The following NETO2 variants were observed in gnomAD, a reference collection of about 807,000 sequenced individuals.
NETO2 encodes the protein neuropilin and tolloid like 2.
NETO2 carries 28 observed loss-of-function variants against 62.5 expected under a neutral mutation model. The ratio of observed to expected loss-of-function variants is 0.45; its 90% CI spans 0.33 to 0.61. The LOEUF (loss-of-function observed/expected upper bound fraction) is 0.61. NETO2 is among the 20% of genes least tolerant of loss of function. The pLI is 0.02. For missense variants in NETO2, 548 were observed against 643.2 expected (o/e 0.85, Z 1.60); for synonymous variants, 214 against 219.1 (o/e 0.98, Z 0.21).
chr16:47,117,259 A>G (rs1481419384), intron 6 of NETO2, among the ~76,000 whole-genome samples: 1 of 152,126 alleles, frequency 6.6e-6, no homozygotes, highest in African/African-American at 2.4e-5. Flanking sequence ...GCTCCCTTAT[A>G]CAAGATGCAT....
At chr16:47,099,075 G>A (rs1963490270) in intron 7 of NETO2, among the ~76,000 whole-genome samples, 1 of 152,104 alleles carries the variant, frequency 6.6e-6, no homozygotes, top group Non-Finnish European at 1.5e-5. Context: ...GGCCAGGCTG[G>A]TCTTGAACTC....
chr16:47,129,524 G>T (rs1213252031), intron 2 of NETO2, among the ~76,000 whole-genome samples, 160 bp from the exon 3 acceptor site: 1 of 152,202 alleles, frequency 6.6e-6, no homozygotes, highest in Non-Finnish European at 1.5e-5. Flanking sequence ...GTACAGAAGT[G>T]AAAGAGAGGG....
intron 4 of NETO2, among the ~76,000 whole-genome samples, chr16:47,126,588 C>T (rs1213917456): frequency 6.6e-6 from 1 of 152,142 alleles, no homozygotes; most frequent in African/African-American, 2.4e-5. Context: ...TCACAGAGCA[C>T]ACCCTACTGC....
At chr16:47,119,300 C>A (rs1165245659) in intron 6 of NETO2, among the ~76,000 whole-genome samples, 1 of 151,674 alleles carries the variant, frequency 6.6e-6, no homozygotes, top group East Asian at 1.9e-4. Flanking sequence ...TACAGGCGCC[C>A]GCCACCACGC....
intron 7 of NETO2, among the ~76,000 whole-genome samples, chr16:47,086,948 T>C (rs1454653943): frequency 6.6e-6 from 1 of 152,190 alleles, no homozygotes; most frequent in Admixed American, 6.5e-5. Context: ...GGAATGTGAT[T>C]TGGTCATAAA....
At chr16:47,128,654 A>G (rs1474306125) in intron 3 of NETO2, 81 bp from the exon 4 acceptor site, 13 of 1,475,054 alleles carry the variant, frequency 8.8e-6, no homozygotes, top group Non-Finnish European at 1.2e-5. Flanking sequence ...GAAAAGCAGA[A>G]TAACTGTTCT....
intron 4 of NETO2, among the ~76,000 whole-genome samples, chr16:47,126,839 C>G (rs1190459585): frequency 6.6e-6 from 1 of 152,120 alleles, no homozygotes; most frequent in African/African-American, 2.4e-5. Context: ...CAAATAAATA[C>G]TTGGTTGGCT....
intron 4 of NETO2, among the ~76,000 whole-genome samples, chr16:47,124,732 T>C (rs1334238391): frequency 6.6e-6 from 1 of 152,194 alleles, no homozygotes; most frequent in Admixed American, 6.5e-5. Flanking sequence ...GTCCTGGATT[T>C]GCCATTCTAT....
Position 47,128,556 on chromosome 16 carries a change from T to C in NETO2, c.250A>G (p.Ile84Val), listed in dbSNP as rs1039377702. The change falls in exon 4 of 9, where the codon ATA (isoleucine) becomes GTA (valine). Residue 84 changes from isoleucine (I) to valine (V), a missense_variant. Physicochemically the swap from Ile to Val is conservative, Grantham distance 29. Transcript: ENST00000562435. Reference protein sequence around the residue: ...YILEAAPRQRIELTFDEHYYI... With the variant: ...YILEAAPRQRVELTFDEHYYI... ...TAATGTTCATCAAAGGTCAACTCTA[T>C]TCTTTGACGTGGAGCAGCTAGAAAA... The C allele has an allele frequency of 5.0e-6, 8 of 1,612,284 alleles. No homozygotes were observed. The Middle Eastern group carries it at 8.3e-4, about 166-fold the overall frequency.
At chr16:47,107,435 G>A (rs916087718) in intron 7 of NETO2, among the ~76,000 whole-genome samples, 1 of 152,186 alleles carries the variant, frequency 6.6e-6, no homozygotes, top group African/African-American at 2.4e-5. Flanking sequence ...AGAACTGTAC[G>A]TAAGGTATTT....
At chr16:47,119,858 A>G (rs958709934) in intron 6 of NETO2, among the ~76,000 whole-genome samples, 1 of 152,220 alleles carries the variant, frequency 6.6e-6, no homozygotes, top group Non-Finnish European at 1.5e-5. Flanking sequence ...TTTCTGTCAC[A>G]TGATGCTCTG....
chr16:47,143,210 A>C (rs976518207), intron 1 of NETO2, among the ~76,000 whole-genome samples: 2 of 152,094 alleles, frequency 1.3e-5, no homozygotes, highest in Non-Finnish European at 2.9e-5. Flanking sequence ...CCTCCGCTCC[A>C]CGACAGGAAT....
chr16:47,115,749 T>C (rs912774474), intron 6 of NETO2, among the ~76,000 whole-genome samples: 1 of 123,866 alleles, frequency 8.1e-6, no homozygotes, highest in African/African-American at 4.4e-5. Context: ...ATATATATAT[T>C]TTGTAGGGGC....
chr16:47,090,464 T>C (rs890884287), intron 7 of NETO2, among the ~76,000 whole-genome samples: 1 of 152,204 alleles, frequency 6.6e-6, no homozygotes, highest in African/African-American at 2.4e-5. Context: ...TAAGTCTTTA[T>C]ATAAAAAAAG....
intron 1 of NETO2, among the ~76,000 whole-genome samples, chr16:47,141,563 G>C (rs763957063): frequency 2.0e-5 from 3 of 151,746 alleles, no homozygotes; most frequent in Non-Finnish European, 4.4e-5. Flanking sequence ...TTCCGTATTA[G>C]AATCAACTAC....
At chr16:47,128,259 C>T in intron 4 of NETO2, 66 bp downstream of exon 4, 5 of 1,530,408 alleles carry the variant, frequency 3.3e-6, no homozygotes, top group Admixed American at 2.0e-5. Flanking sequence ...CTTTTCTAAC[C>T]TTAAGATTCT....
chr16:47,109,053 C>T (rs138128021), intron 7 of NETO2, among the ~76,000 whole-genome samples: 1 of 152,186 alleles, frequency 6.6e-6, no homozygotes, highest in African/African-American at 2.4e-5. Flanking sequence ...TTTGTTTACA[C>T]CTTTATAATG....
chr16:47,139,333 G>A (rs1217387190), intron 1 of NETO2, among the ~76,000 whole-genome samples: 3 of 152,164 alleles, frequency 2.0e-5, no homozygotes, highest in Non-Finnish European at 2.9e-5. Flanking sequence ...GCACAAATCA[G>A]GGGATGGGAA....
intron 7 of NETO2, among the ~76,000 whole-genome samples, chr16:47,107,821 G>T (rs1340480070): frequency 6.6e-6 from 1 of 152,106 alleles, no homozygotes; most frequent in Non-Finnish European, 1.5e-5. Flanking sequence ...GGTCACCCAG[G>T]CTGGAGTGCA....
Sources: gnomAD v4.1 joint callset for allele counts (sites outside exome capture counted in the v4.1 genomes callset) on GRCh38, gnomAD v4.1.1 for gene constraint, MANE v1.5 for transcripts, NCBI Gene and HGNC (gene_info 2026-07-23, HGNC 2026-07-21) for gene names.